The following ANO2 variants were observed in gnomAD, a reference collection of about 807,000 sequenced individuals.
ANO2 encodes the protein anoctamin 2.
In ANO2, 101 loss-of-function variants were observed where a neutral mutation model predicts 124.2. The ratio of observed to expected loss-of-function variants is 0.81; its 90% CI spans 0.69 to 0.96. ANO2 has a LOEUF of 0.96. Among genes scored for constraint, ANO2 ranks in the 40% least tolerant of loss-of-function variants. The pLI, the probability that ANO2 is intolerant of heterozygous loss-of-function variation, is 0.00. For missense variants in ANO2, 1,293 were observed against 1,274.5 expected (o/e 1.01, Z -0.22); for synonymous variants, 486 against 482.5 (o/e 1.01, Z -0.09).
chr12:5,676,562 G>A (rs1335848336), intron 14 of ANO2, among the ~76,000 whole-genome samples: 4 of 151,852 alleles, frequency 2.6e-5, no homozygotes, highest in African/African-American at 7.3e-5. Flanking sequence ...CAGAATAATT[G>A]TTCTTTGCTT....
chr12:5,669,211 C>T (rs28834092), intron 14 of ANO2, among the ~76,000 whole-genome samples: 2 of 152,046 alleles, frequency 1.3e-5, no homozygotes, highest in Non-Finnish European at 2.9e-5. Context: ...CTCTCTTATT[C>T]CCTTGAGCAA....
intron 1 of ANO2, among the ~76,000 whole-genome samples, chr12:5,944,828 C>CT (rs1322545406): frequency 1.3e-5 from 2 of 152,146 alleles, no homozygotes; most frequent in African/African-American, 4.8e-5. Flanking sequence ...TTATTGTTTA[C>CT]TTACCTTCAG....
intron 23 of ANO2, among the ~76,000 whole-genome samples, chr12:5,573,314 G>A (rs1213798295): frequency 6.6e-6 from 1 of 152,182 alleles, no homozygotes; most frequent in Non-Finnish European, 1.5e-5. Context: ...ATGGTCAAGG[G>A]CAAGATCAGA....
At chr12:5,865,809 T>C (rs989630948) in intron 3 of ANO2, among the ~76,000 whole-genome samples, 5 of 152,208 alleles carry the variant, frequency 3.3e-5, no homozygotes, top group Admixed American at 2.0e-4. Flanking sequence ...ATTCACACCA[T>C]CATGCCACCA....
intron 10 of ANO2, among the ~76,000 whole-genome samples, chr12:5,777,376 A>G (rs991958358): frequency 6.6e-6 from 1 of 152,106 alleles, no homozygotes; most frequent in African/African-American, 2.4e-5. Context: ...ACAGAGAAAG[A>G]GACAAGGTCA....
Position 5,635,166 on chromosome 12 carries a change from C to A in ANO2, c.1802G>T (p.Trp601Leu). Residue 601 changes from tryptophan to leucine, a missense_variant, in exon 16 of 25, where the codon TGG (tryptophan) becomes TTG (leucine). Trp to Leu is a moderately conservative substitution (Grantham distance 61). Coordinates refer to ENST00000682330, the MANE Select transcript of ANO2 (RefSeq NM_001364791.2). The surrounding 1 kb of genome is among the most constrained non-coding windows in gnomAD (Gnocchi z 5.2). Reference sequence around the variant, plus strand: ...TGACACAGTACCAATTTTGGTGAGCCACTTGGCCACAGCGCCGTAGATCTC... The same window carrying A: ...TGACACAGTACCAATTTTGGTGAGCAACTTGGCCACAGCGCCGTAGATCTC... ...LDEIYGAVAK[W>L]LTKIEVPKTE... is the part of the protein sequence containing the mutation. The A allele has an allele frequency of 1.3e-6, 2 of 1,581,482 alleles. No homozygotes were observed. Among genetic ancestry groups the A allele is most frequent in the Non-Finnish European group, 1.7e-6 (2 of 1,167,452 alleles).
At chr12:5,877,898 G>A (rs1004244594) in intron 3 of ANO2, among the ~76,000 whole-genome samples, 3 of 152,244 alleles carry the variant, frequency 2.0e-5, no homozygotes, top group Admixed American at 2.0e-4. Context: ...TGGAGCTCAG[G>A]CAGTAATGTG....
chr12:5,830,325 C>T, intron 6 of ANO2, 110 bp downstream of exon 6: 1 of 1,170,478 alleles, frequency 8.5e-7, no homozygotes, highest in Non-Finnish European at 1.2e-6. Flanking sequence ...TAGGCAACTC[C>T]AAGCAAATAA....
In ANO2 at chr12:5,807,422, T is replaced by C. The variant is rs914721421; in HGVS notation, c.893-54A>G. On this transcript the variant is annotated intron_variant, in intron 7 of 24. Coordinates refer to ENST00000682330, the MANE Select transcript of ANO2 (RefSeq NM_001364791.2). ...AACTCTGGGGCAAGCGTTTCTCAACTTAACCCCTGTTTTTTGATAAATAAG... is the reference window on the plus strand; with the variant it reads ...AACTCTGGGGCAAGCGTTTCTCAACCTAACCCCTGTTTTTTGATAAATAAG... The C allele has an allele frequency of 8.7e-5, 128 of 1,470,466 alleles. No individual in the cohort carries two copies. The East Asian group carries it at 3.1e-3, about 36-fold the overall frequency. 91.1% of individuals were successfully genotyped at this position (1,470,466 alleles called of 1,614,324 possible).
intron 14 of ANO2, among the ~76,000 whole-genome samples, chr12:5,719,660 C>T (rs942835147): frequency 6.6e-6 from 1 of 152,210 alleles, no homozygotes; most frequent in African/African-American, 2.4e-5. Flanking sequence ...TGATCTTAGC[C>T]TTCCCAGCCT....
At chr12:5,875,603 T>C (rs1399888179) in intron 3 of ANO2, among the ~76,000 whole-genome samples, 4 of 152,328 alleles carry the variant, frequency 2.6e-5, no homozygotes, top group African/African-American at 9.6e-5. Context: ...AGATGCCTAA[T>C]AACTACCACT....
intron 4 of ANO2, among the ~76,000 whole-genome samples, chr12:5,839,250 C>T (rs994623583): frequency 1.4e-4 from 21 of 152,136 alleles, no homozygotes; most frequent in African/African-American, 5.1e-4. Context: ...GTTCACAGGA[C>T]AGAGCACCCC....
chr12:5,924,485 G>A (rs1941984413), intron 1 of ANO2, among the ~76,000 whole-genome samples: 1 of 152,204 alleles, frequency 6.6e-6, no homozygotes, highest in South Asian at 2.1e-4. Flanking sequence ...AGGAGGCACG[G>A]GAGGCACTCC....
At chr12:5,853,530 A>T (rs1954989970) in intron 4 of ANO2, among the ~76,000 whole-genome samples, 1 of 152,068 alleles carries the variant, frequency 6.6e-6, no homozygotes, top group African/African-American at 2.4e-5. Flanking sequence ...GATCTTAATC[A>T]ATTCACCTGA....
chr12:5,895,386 T>C (rs754310054), intron 3 of ANO2, among the ~76,000 whole-genome samples: 1 of 152,176 alleles, frequency 6.6e-6, no homozygotes, highest in African/African-American at 2.4e-5. Context: ...TAAGGAGATT[T>C]GGGGCTGAAA....
chr12:5,689,619 A>G (rs1162578541), intron 14 of ANO2, among the ~76,000 whole-genome samples: 1 of 151,842 alleles, frequency 6.6e-6, no homozygotes, highest in Non-Finnish European at 1.5e-5. Context: ...TTCCTTCCAA[A>G]CTCACCTAGG....
chr12:5,734,602 C>T (rs1052866322), intron 13 of ANO2, among the ~76,000 whole-genome samples: 2 of 152,104 alleles, frequency 1.3e-5, no homozygotes, highest in African/African-American at 4.8e-5. Flanking sequence ...TGGCTCACCT[C>T]CCCCCATGCT....
chr12:5,608,180 T>C (rs560847317), intron 19 of ANO2, among the ~76,000 whole-genome samples: 9 of 152,016 alleles, frequency 5.9e-5, no homozygotes, highest in Admixed American at 3.9e-4. Context: ...TGAAAGACTT[T>C]CTTTTTCTTG....
Position 5,640,625 on chromosome 12 carries a change from T to A in ANO2, c.1621-5278A>T, listed in dbSNP as rs564105166. Among the ~76,000 whole-genome samples, 444 of 152,206 alleles carry A rather than the reference T, an allele frequency of 2.9e-3. 2 individuals carry two copies. The highest frequency in any genetic ancestry group is 5.1e-3 in the Non-Finnish European group (345 of 67,998). ...TGCAGCCAACAGACACATGAAAAAATGCTCATCATCACTGGTCATCAGAGA... is the reference window on the plus strand; with the variant it reads ...TGCAGCCAACAGACACATGAAAAAAAGCTCATCATCACTGGTCATCAGAGA... On this transcript the variant is annotated intron_variant, in intron 15 of 24. Coordinates refer to ENST00000682330, the MANE Select transcript of ANO2 (RefSeq NM_001364791.2).
Sources: allele counts gnomAD v4.1 joint callset (sites outside exome capture counted in the v4.1 genomes callset), GRCh38; gene constraint gnomAD v4.1.1; non-coding constraint Gnocchi (gnomAD v3.1); transcripts MANE v1.5; gene names NCBI Gene and HGNC (gene_info 2026-07-23, HGNC 2026-07-21).